Variants in PTPRD observed in about 807,000 individuals in gnomAD.
PTPRD encodes the protein receptor-type tyrosine-protein phosphatase delta.
In PTPRD, 34 loss-of-function variants were observed where a neutral mutation model predicts 214.5. The observed-to-expected ratio is 0.16, with a 90% CI of 0.12 to 0.21. The LOEUF is 0.21. Ranked by LOEUF, PTPRD falls within the 10% of genes least tolerant of loss-of-function variation. The probability of loss-of-function intolerance (pLI) is 1.00; values close to 1 mark genes in which losing one functional copy is unlikely to be tolerated. For synonymous variants in PTPRD, 1,128 were observed against 845.7 expected (o/e 1.33, Z -5.79); for missense variants, 2,545 against 2,398.7 (o/e 1.06, Z -1.27).
rs184897259 is a variant in PTPRD at position 9,506,447 on chromosome 9, T to C, written c.-237+68285A>G. ...CCAGTGAGATGGGTCCAATCAATCT[T>C]TAGAATCCTGCCTTTTTGTCCTTCC... On this transcript the variant is annotated intron_variant, in intron 8 of 45. Coordinates refer to ENST00000381196, the MANE Select transcript of PTPRD (RefSeq NM_002839.4). Among the ~76,000 whole-genome samples, 287 of 151,524 alleles carry C rather than the reference T, an allele frequency of 1.9e-3. 1 individual carries two copies. The highest frequency in any genetic ancestry group is 6.6e-3 in the African/African-American group (274 of 41,470).
chr9:8,927,907 G>C (rs1437526593), intron 11 of PTPRD, among the ~76,000 whole-genome samples: 1 of 152,210 alleles, frequency 6.6e-6, no homozygotes, highest in South Asian at 2.1e-4. Flanking sequence ...ATTCTAACTG[G>C]CATGACATGG....
chr9:8,829,152 T>G (rs2154529081), intron 11 of PTPRD, among the ~76,000 whole-genome samples: 1 of 152,260 alleles, frequency 6.6e-6, no homozygotes, highest in East Asian at 1.9e-4. Context: ...ATTGCCCGGG[T>G]TTTAGGTGCA....
intron 11 of PTPRD, among the ~76,000 whole-genome samples, chr9:8,826,081 A>C (rs1315047122): frequency 2.6e-5 from 4 of 152,130 alleles, no homozygotes; most frequent in Admixed American, 2.6e-4. Context: ...GCTCTGGTTC[A>C]CAGGCCTCTG....
intron 7 of PTPRD, among the ~76,000 whole-genome samples, chr9:9,710,657 A>G (rs984847597): frequency 2.6e-5 from 4 of 151,884 alleles, no homozygotes; most frequent in African/African-American, 9.7e-5. Flanking sequence ...TTTACTTCCT[A>G]AAAAATTAAC....
At chr9:9,296,690 G>C (rs890532672) in intron 9 of PTPRD, among the ~76,000 whole-genome samples, 3 of 151,684 alleles carry the variant, frequency 2.0e-5, no homozygotes, top group Non-Finnish European at 4.4e-5. Flanking sequence ...AAGAGGACTG[G>C]AGCTTTTCAA....
chr9:8,720,444 C>T (rs903578898), intron 12 of PTPRD, among the ~76,000 whole-genome samples: 14 of 152,264 alleles, frequency 9.2e-5, no homozygotes, highest in Non-Finnish European at 1.5e-4. Flanking sequence ...AGTGGGGAAA[C>T]GGACTGCACC....
chr9:8,537,755 G>C (rs1297449283), intron 14 of PTPRD, among the ~76,000 whole-genome samples: 2 of 152,094 alleles, frequency 1.3e-5, no homozygotes, highest in East Asian at 3.9e-4. Context: ...GAGTTTGCAA[G>C]GTACTCCGGG....
chr9:10,101,247 C>A (rs1025824), intron 3 of PTPRD, among the ~76,000 whole-genome samples: 12,715 of 151,502 alleles, frequency 0.084, 901 homozygotes, highest in East Asian at 0.38. Flanking sequence ...TACTATGGGA[C>A]TCGCTGAAAG....
At chr9:8,802,600 T>A (rs1189592685) in intron 11 of PTPRD, among the ~76,000 whole-genome samples, 2 of 152,190 alleles carry the variant, frequency 1.3e-5, no homozygotes, top group African/African-American at 4.8e-5. Flanking sequence ...GTGGTAATAT[T>A]TCCAATTACA....
intron 7 of PTPRD, among the ~76,000 whole-genome samples, chr9:9,734,192 A>G (rs182059167): frequency 0.013 from 1,925 of 152,226 alleles, 21 homozygotes; most frequent in Non-Finnish European, 0.02. Context: ...ATCTATTTTT[A>G]AAGAAAAATT....
rs1051542759 is a variant in PTPRD at position 8,793,827 on chromosome 9, C to T, written c.-103-59881G>A. 2.0e-5 allele frequency among the ~76,000 whole-genome samples: 3 copies of T among 152,106 alleles called. No individual in the cohort carries two copies. The East Asian group carries it at 5.8e-4, about 29-fold the overall frequency. On this transcript the variant is annotated intron_variant, in intron 11 of 45. Coordinates refer to ENST00000381196, the MANE Select transcript of PTPRD (RefSeq NM_002839.4). ...AGTGTGCTATAGATACACTATGTAT[C>T]TAGGTTTGTATTTTTGAGTTCATTT...
At chr9:8,320,003 T>C (rs764172957) in intron 44 of PTPRD, 37 bp from the exon 45 acceptor site, 1 of 1,605,494 alleles carries the variant, frequency 6.2e-7, no homozygotes, top group South Asian at 1.1e-5. Context: ...CTGGGTGAGA[T>C]GTTCACAGTC....
intron 9 of PTPRD, among the ~76,000 whole-genome samples, chr9:9,353,489 G>C (rs1393656408): frequency 4.0e-5 from 6 of 151,670 alleles, no homozygotes; most frequent in Non-Finnish European, 7.4e-5. Flanking sequence ...GCTGGGGCTG[G>C]GAGTCCACTT....
At position 8,565,887 on chromosome 9, in the gene PTPRD, T is replaced by C. The variant is rs940086403; in HGVS notation, c.353-37108A>G. 5.9e-5 allele frequency among the ~76,000 whole-genome samples: 9 copies of C among 152,284 alleles called. No individual in the cohort carries two copies. The South Asian group carries it at 1.7e-3, about 28-fold the overall frequency. On this transcript the variant is annotated intron_variant, in intron 14 of 45. Transcript: ENST00000381196. ...CATGGAATATTACAGAAATAGAAAG[T>C]TGCAGTTCAAATGCTGTTTGTATAT...
At chr9:9,475,304 A>G (rs35035876) in intron 8 of PTPRD, among the ~76,000 whole-genome samples, 12,779 of 152,288 alleles carry the variant, frequency 0.084, 537 homozygotes, top group South Asian at 0.13. Context: ...AACCAATACT[A>G]GAATGTCATT....
At chr9:10,300,427 G>A (rs961127911) in intron 3 of PTPRD, among the ~76,000 whole-genome samples, 1 of 152,176 alleles carries the variant, frequency 6.6e-6, no homozygotes, top group Non-Finnish European at 1.5e-5. Flanking sequence ...TCCCTCCCCT[G>A]GAAAGGGGGC....
chr9:9,169,719 C>G (rs1229386820), intron 10 of PTPRD, among the ~76,000 whole-genome samples: 2 of 152,106 alleles, frequency 1.3e-5, no homozygotes, highest in South Asian at 4.1e-4. Context: ...TTTAATACCC[C>G]TGGGCTGATT....
At chr9:10,171,636 T>A (rs947156676) in intron 3 of PTPRD, among the ~76,000 whole-genome samples, 4 of 152,146 alleles carry the variant, frequency 2.6e-5, no homozygotes, top group Non-Finnish European at 4.4e-5. Flanking sequence ...GCCATTCTCC[T>A]GCCTCAGCCT....
intron 30 of PTPRD, among the ~76,000 whole-genome samples, chr9:8,481,628 T>G (rs1256585324): frequency 6.6e-6 from 1 of 152,188 alleles, no homozygotes; most frequent in Non-Finnish European, 1.5e-5. Context: ...TCCCTCTCTG[T>G]GTCCTCTACT....
Sources: allele counts gnomAD v4.1 joint callset (sites outside exome capture counted in the v4.1 genomes callset), GRCh38; gene constraint gnomAD v4.1.1; transcripts MANE v1.5; gene names NCBI Gene and HGNC (gene_info 2026-07-23, HGNC 2026-07-21).